Variants in WNK1 observed in about 807,000 individuals in gnomAD.
WNK1 encodes WNK lysine deficient protein kinase 1, also known as serine/threonine-protein kinase WNK1.
Under a neutral mutation model 222.8 loss-of-function variants are expected in WNK1, and 38 were observed. That is an observed-to-expected ratio of 0.17 (90% confidence interval 0.13 to 0.22). The LOEUF (loss-of-function observed/expected upper bound fraction) is 0.22, where lower values mean the gene tolerates loss of function less well. Ranked by LOEUF, WNK1 falls within the 10% of genes least tolerant of loss-of-function variation. The pLI is 1.00. For synonymous variants in WNK1, 1,090 were observed against 1,092.9 expected (o/e 1.00, Z 0.05); for missense variants, 2,348 against 2,918.4 (o/e 0.80, Z 4.50).
chr12:776,713 A>C (rs957459933), intron 1 of WNK1, among the ~76,000 whole-genome samples: 6 of 152,212 alleles, frequency 3.9e-5, no homozygotes, highest in African/African-American at 1.4e-4. Context: ...TACAGGTGTG[A>C]GCTACCGCGC....
At chr12:835,493 G>A (rs890373118) in intron 4 of WNK1, among the ~76,000 whole-genome samples, 4 of 152,168 alleles carry the variant, frequency 2.6e-5, no homozygotes, top group South Asian at 4.1e-4. Flanking sequence ...ATTTTACTTG[G>A]TGTATTTTCT....
At chr12:888,578 T>G (rs1190445589) in intron 20 of WNK1, among the ~76,000 whole-genome samples, 1 of 152,206 alleles carries the variant, frequency 6.6e-6, no homozygotes, top group Non-Finnish European at 1.5e-5. Flanking sequence ...GGAAGCTGTG[T>G]GCTTGCGGTG....
At chr12:762,358 T>A (rs1031415055) in intron 1 of WNK1, among the ~76,000 whole-genome samples, 4 of 147,776 alleles carry the variant, frequency 2.7e-5, no homozygotes, top group African/African-American at 7.3e-5. Flanking sequence ...TCACGTATAG[T>A]TTAAGTCATC....
In WNK1 at chr12:910,694, A is replaced by C. The variant is rs1171642622; in HGVS notation, c.*1902A>C. On this transcript the variant is annotated 3_prime_UTR_variant, in exon 28 of 28. Coordinates refer to ENST00000315939, the MANE Select transcript of WNK1 (RefSeq NM_018979.4). Reference sequence around the variant, plus strand: ...CCCACGTCAATGGCATATTCTGGGAATCACCACCACCACCACCACTACCAC... The same window carrying C: ...CCCACGTCAATGGCATATTCTGGGACTCACCACCACCACCACCACTACCAC... The C allele has an allele frequency of 6.6e-6, 1 of 152,512 alleles. No individual in the cohort carries two copies. The highest frequency in any genetic ancestry group is 2.4e-5 in the African/African-American group (1 of 41,458). 9.4% of individuals were successfully genotyped at this position (152,512 alleles called of 1,614,324 possible).
intron 4 of WNK1, among the ~76,000 whole-genome samples, chr12:853,821 G>C (rs1252347908): frequency 1.3e-5 from 2 of 152,054 alleles, no homozygotes; most frequent in Non-Finnish European, 2.9e-5. Flanking sequence ...CACAATCATG[G>C]CTCACTGCAG....
chr12:776,412 T>TTGTGTGTG (rs59148357), intron 1 of WNK1, among the ~76,000 whole-genome samples: 5,122 of 146,008 alleles, frequency 0.035, 118 homozygotes, highest in East Asian at 0.047. Flanking sequence ...GTTTGTGTGT[T>TTGTGTGTG]TGTGTGTGTG....
Position 809,242 on chromosome 12 carries a change from A to ATT in WNK1, c.760-4400_760-4399insTT, listed in dbSNP as rs545572185. On this transcript the variant is annotated intron_variant, in intron 1 of 27. Coordinates refer to ENST00000315939, the MANE Select transcript of WNK1 (RefSeq NM_018979.4). ...CTTTTGAGGAAAAAAAAAAAAAAAA[A>ATT]ATTTTTTTTTTTTTTGGTCTTTCTG... Among the ~76,000 whole-genome samples the ATT allele has an allele frequency of 1.2e-3, 130 of 108,152 alleles. No individual in the cohort carries two copies. In the East Asian group the frequency reaches 0.014, roughly 11 times the overall value. The allele number at this position is 108,152 out of a possible 152,430, so 71.0% of individuals were successfully genotyped here. A position where few individuals can be genotyped will look rare whatever the true frequency, so the allele number is the denominator to read the frequency against.
At position 807,921 on chromosome 12, in the gene WNK1, G is replaced by A. The variant is rs967250290; in HGVS notation, c.760-5721G>A. On this transcript the variant is annotated intron_variant, in intron 1 of 27. Coordinates refer to ENST00000315939, the MANE Select transcript of WNK1 (RefSeq NM_018979.4). Reference sequence around the variant, plus strand: ...TTTTTAGTAGAGACGGGGTTTCACCGTGTTAGCCAGGATGGTCTCGATCTC... The same window carrying A: ...TTTTTAGTAGAGACGGGGTTTCACCATGTTAGCCAGGATGGTCTCGATCTC... 2.4e-4 allele frequency among the ~76,000 whole-genome samples: 36 copies of A among 151,776 alleles called. No individual in the cohort carries two copies. In the Middle Eastern group the frequency reaches 0.02, roughly 86 times the overall value.
chr12:833,516 C>T (rs1329120010), intron 4 of WNK1, among the ~76,000 whole-genome samples: 1 of 152,238 alleles, frequency 6.6e-6, no homozygotes, highest in Non-Finnish European at 1.5e-5. Flanking sequence ...AATACTGTAC[C>T]TCCACTATAA....
intron 23 of WNK1, among the ~76,000 whole-genome samples, chr12:895,520 A>G (rs371406823): frequency 6.6e-6 from 1 of 152,094 alleles, no homozygotes; most frequent in African/African-American, 2.4e-5. Flanking sequence ...ATGCAGTGGC[A>G]TGATCTCAGC....
chr12:803,565 C>T (rs1946080064), intron 1 of WNK1, among the ~76,000 whole-genome samples: 1 of 152,036 alleles, frequency 6.6e-6, no homozygotes, highest in African/African-American at 2.4e-5. Flanking sequence ...GGTGGATCAC[C>T]TGAGGTCAGG....
chr12:828,814 A>G (rs1284961970), intron 3 of WNK1, among the ~76,000 whole-genome samples: 1 of 152,184 alleles, frequency 6.6e-6, no homozygotes, highest in African/African-American at 2.4e-5. Flanking sequence ...TAAACATTCT[A>G]TTTACTCCCT....
intron 2 of WNK1, among the ~76,000 whole-genome samples, chr12:814,905 T>C (rs1430353827): frequency 6.6e-6 from 1 of 152,184 alleles, no homozygotes; most frequent in Non-Finnish European, 1.5e-5. Flanking sequence ...AACTCAACTG[T>C]CCCATCTGGG....
intron 1 of WNK1, among the ~76,000 whole-genome samples, chr12:811,638 T>C (rs1946913478): frequency 6.6e-6 from 1 of 152,184 alleles, no homozygotes. Context: ...TACTTTATTA[T>C]TGTCTTAAAG....
chr12:778,052 AATGATTT>A (rs1943300195), intron 1 of WNK1, among the ~76,000 whole-genome samples: 1 of 152,202 alleles, frequency 6.6e-6, no homozygotes, highest in Non-Finnish European at 1.5e-5. Flanking sequence ...TGGTTACTTA[AATGATTT>A]AAATGATGAT....
chr12:908,126 C>A, intron 27 of WNK1, 92 bp downstream of exon 27: 1 of 1,434,478 alleles, frequency 7.0e-7, no homozygotes. Context: ...TCTTACGCCA[C>A]GACCTTCTTC....
intron 1 of WNK1, among the ~76,000 whole-genome samples, chr12:809,243 AT>A (rs869187932): frequency 4.7e-4 from 49 of 104,560 alleles, no homozygotes; most frequent in African/African-American, 1.4e-3. Context: ...AAAAAAAAAA[AT>A]TTTTTTTTTT....
At chr12:796,567 C>T (rs1015285456) in intron 1 of WNK1, among the ~76,000 whole-genome samples, 3 of 152,182 alleles carry the variant, frequency 2.0e-5, no homozygotes, top group South Asian at 2.1e-4. Context: ...TGAGCCACTG[C>T]GCCCAGCTGA....
At chr12:829,688 A>G (rs766249086) in intron 3 of WNK1, among the ~76,000 whole-genome samples, 3 of 152,166 alleles carry the variant, frequency 2.0e-5, no homozygotes, top group East Asian at 1.9e-4. Flanking sequence ...TATGAATTAT[A>G]TTAGTTTATT....
Sources: allele counts gnomAD v4.1 joint callset (sites outside exome capture counted in the v4.1 genomes callset), GRCh38; gene constraint gnomAD v4.1.1; transcripts MANE v1.5; gene names NCBI Gene and HGNC (gene_info 2026-07-23, HGNC 2026-07-21).